Variants in COL6A3 observed in about 807,000 individuals in gnomAD.
The protein encoded by COL6A3 is collagen alpha-3(VI) chain.
COL6A3 carries 137 observed loss-of-function variants against 274.1 expected under a neutral mutation model. The observed-to-expected ratio is 0.50, with a 90% CI of 0.44 to 0.58. COL6A3 has a LOEUF of 0.58. COL6A3 is among the 20% of genes least tolerant of loss of function. The probability of loss-of-function intolerance (pLI) is 0.00; values close to 1 mark genes in which losing one functional copy is unlikely to be tolerated. For synonymous variants in COL6A3, 1,650 were observed against 1,650.6 expected, an observed-to-expected ratio of 1.00 and a Z score of 0.01; for missense variants, 3,950 against 4,124.9, an observed-to-expected ratio of 0.96 and a Z score of 1.16.
At position 237,374,906 on chromosome 2, in the gene COL6A3, T is replaced by C. The variant is rs2077795010; in HGVS notation, c.3185A>G (p.Gln1062Arg). 6.2e-7 allele frequency: 1 copy of C among 1,613,968 alleles called. No homozygotes were observed. The highest frequency in any genetic ancestry group is 1.1e-5 in the South Asian group (1 of 91,074). ...QRVVESLDVGQDRVRVAVVQY... is the reference protein window; with the variant it reads ...QRVVESLDVGRDRVRVAVVQY... The stretch of plus-strand genomic sequence containing the variant: ...CACCACGGCCACGCGGACCCGGTCC[T>C]GGCCCACATCCAGGCTTTCCACCAC... The change falls in exon 8 of 44, where the codon CAG (glutamine) becomes CGG (arginine). Residue 1062 changes from glutamine to arginine, a missense_variant. Around this residue, in one of 5 missense-constraint regions of COL6A3, gnomAD observed 1,934 missense variants for 1,984.3 expected, o/e 0.97. Coordinates refer to ENST00000295550, the MANE Select transcript of COL6A3 (RefSeq NM_004369.4). The surrounding 1 kb of genome is among the most constrained non-coding windows in gnomAD (Gnocchi z 4.8).
rs114750216 is a variant in COL6A3 at position 237,387,712 on chromosome 2, G to A, written c.1182C>T (p.Thr394=). The change falls in exon 4 of 44, where the codon ACC becomes ACT. Residue 394 remains threonine, a synonymous_variant. Transcript: ENST00000295550. The part of the protein sequence containing the change: ...ASRAELQHIA[T]DDNLVFTVPE... The stretch of plus-strand genomic sequence containing the variant: ...GGACAGTAAACACCAAGTTGTCATC[G>A]GTAGCTATGTGCTGAAGCTCTGCCC... 9,442 of 1,613,934 alleles carry A rather than the reference G, an allele frequency of 5.9e-3. 39 individuals carry two copies. Among genetic ancestry groups the A allele is most frequent in the Middle Eastern group, 0.017 (103 of 6,062 alleles).
chr2:237,347,672 G>A (rs2077123959), intron 31 of COL6A3, 135 bp downstream of exon 31: 10 of 916,776 alleles, frequency 1.1e-5, no homozygotes, highest in Non-Finnish European at 1.7e-5. Context: ...TGGGGCTCAG[G>A]ATTCCCTTCC....
chr2:237,399,058 C>G (rs1056412997), intron 1 of COL6A3, among the ~76,000 whole-genome samples: 2 of 152,216 alleles, frequency 1.3e-5, no homozygotes, highest in African/African-American at 4.8e-5. Context: ...AGGTGCACAA[C>G]TATTCAGACA....
At chr2:237,338,966 C>T in intron 39 of COL6A3, 49 bp downstream of exon 39, 1 of 1,459,712 alleles carries the variant, frequency 6.9e-7, no homozygotes, top group Non-Finnish European at 9.6e-7. Flanking sequence ...AGGACCTGTG[C>T]ATTCCCTGCA....
rs908789496 is a variant in COL6A3 at position 237,368,528 on chromosome 2, T to A, written c.4900+35A>T. ...TTTAACTAAAAAAAAAATGTTGATG[T>A]CACACTCTGTAGTCATGGGTCACAC... On this transcript the variant is annotated intron_variant, in intron 10 of 43. Coordinates refer to ENST00000295550, the MANE Select transcript of COL6A3 (RefSeq NM_004369.4). This position sits in a 1 kb window ranked among gnomAD's most constrained non-coding sequence, Gnocchi z 4.4. The A allele has an allele frequency of 7.5e-6, 12 of 1,609,294 alleles. No individual in the cohort carries two copies. Among genetic ancestry groups the A allele is most frequent in the Admixed American group, 1.7e-5 (1 of 59,606 alleles).
rs1194403487 is a variant in COL6A3, at chr2:237,324,693, C to T, written c.*81G>A. On this transcript the variant is annotated 3_prime_UTR_variant, in exon 44 of 44. Coordinates refer to ENST00000295550, the MANE Select transcript of COL6A3 (RefSeq NM_004369.4). ...AAATGATACAGTGCAAGGGAATCTA[C>T]ACCCGGAGCTTCTACAGAGACAAGT... 3.0e-6 allele frequency: 4 copies of T among 1,315,286 alleles called. No individual in the cohort carries two copies. The highest frequency in any genetic ancestry group is 4.4e-6 in the Non-Finnish European group (4 of 911,522). The allele number at this position is 1,315,286 out of a possible 1,614,324, so 81.5% of individuals were successfully genotyped here.
In COL6A3 at chr2:237,398,598, G is replaced by C. The variant is rs369232844; in HGVS notation, c.-30-1751C>G. On this transcript the variant is annotated intron_variant, in intron 1 of 43. Transcript: ENST00000295550. ...TCTGGTTTCCTTTAACTTTTTCTTA[G>C]ACCACAGACGGGGCTGCCCACAGGA... is the stretch of plus-strand genomic sequence containing the variant. Among the ~76,000 whole-genome samples the C allele has an allele frequency of 1.5e-4, 23 of 152,230 alleles. 2 individuals are homozygous for C. Among genetic ancestry groups the C allele is most frequent in the African/African-American group, 5.5e-4 (23 of 41,528 alleles).
At chr2:237,391,006 T>C (rs1459492106) in intron 3 of COL6A3, among the ~76,000 whole-genome samples, 1 of 152,208 alleles carries the variant, frequency 6.6e-6, no homozygotes, top group African/African-American at 2.4e-5. Flanking sequence ...TTTACACATA[T>C]GTGTGTTTTA....
At chr2:237,348,194 A>G (rs1187966934) in intron 30 of COL6A3, among the ~76,000 whole-genome samples, 155 bp downstream of exon 30, 1 of 152,214 alleles carries the variant, frequency 6.6e-6, no homozygotes, top group Admixed American at 6.5e-5. Context: ...CAGATGAGAG[A>G]GTATTTTAGG....
In COL6A3 at chr2:237,336,073, C is replaced by T. The variant is rs111756435; in HGVS notation, c.8965+62G>A. On this transcript the variant is annotated intron_variant, in intron 40 of 43. Transcript: ENST00000295550. ...TGTGTTACATGCAGGCTTTGAGGAA[C>T]ACACCCTGGAGCAGGAAATGAGGAT... The T allele has an allele frequency of 7.4e-4, 1,189 of 1,599,224 alleles. 8 individuals are homozygous for T. In the African/African-American group the frequency reaches 0.012, roughly 16 times the overall value.
intron 8 of COL6A3, among the ~76,000 whole-genome samples, chr2:237,373,135 G>A (rs1200808379): frequency 6.6e-6 from 1 of 152,206 alleles, no homozygotes; most frequent in Non-Finnish European, 1.5e-5. Context: ...AAGGGGGAAA[G>A]AGGGAGGCTG....
chr2:237,385,776 G>A (rs1336225209), intron 4 of COL6A3, among the ~76,000 whole-genome samples: 4 of 152,138 alleles, frequency 2.6e-5, no homozygotes, highest in South Asian at 4.1e-4. Flanking sequence ...TCCAGGCACC[G>A]GGCATGTAGT....
Position 237,361,046 on chromosome 2 carries a change from A to G in COL6A3, c.6210+75T>C. On this transcript the variant is annotated intron_variant, in intron 16 of 43. Transcript: ENST00000295550. The surrounding 1 kb of genome is among the most constrained non-coding windows in gnomAD (Gnocchi z 5.1). Reference sequence around the variant, plus strand: ...CATCAGCAACTGAACAAATGATGAAATCCACAATGCAATCCCAATGGGTAA... The same window carrying G: ...CATCAGCAACTGAACAAATGATGAAGTCCACAATGCAATCCCAATGGGTAA... 8.2e-7 allele frequency: 1 copy of G among 1,224,916 alleles called. No homozygotes were observed. Among genetic ancestry groups the G allele is most frequent in the South Asian group, 1.2e-5 (1 of 83,094 alleles). The allele number at this position is 1,224,916 out of a possible 1,614,324, so 75.9% of individuals were successfully genotyped here.
intron 4 of COL6A3, chr2:237,386,399 C>T (rs2106376602): frequency 6.6e-6 from 1 of 152,272 alleles, no homozygotes; most frequent in African/African-American, 2.4e-5. Context: ...GAAAACCTCC[C>T]TTGATCAATT....
At chr2:237,382,329 G>A (rs1026234102) in intron 4 of COL6A3, among the ~76,000 whole-genome samples, 1 of 152,226 alleles carries the variant, frequency 6.6e-6, no homozygotes, top group Admixed American at 6.5e-5. Flanking sequence ...GTTCCAGTAA[G>A]CCGGGATTGC....
Position 237,394,814 on chromosome 2 carries a change from G to A in COL6A3, c.482C>T (p.Pro161Leu), listed in dbSNP as rs1190967394. 1.2e-6 allele frequency: 2 copies of A among 1,614,160 alleles called. No individual in the cohort carries two copies. Among genetic ancestry groups the A allele is most frequent in the Admixed American group, 3.3e-5 (2 of 60,030 alleles). The change falls in exon 3 of 44, where the codon CCC (proline) becomes CTC (leucine). Residue 161 changes from proline (P) to leucine (L), a missense_variant. This residue lies in a region of COL6A3 where 1,934 missense variants were observed against 1,984.3 expected (regional missense o/e 0.97). Transcript: ENST00000295550. ...ATCAGCAGACTTAAGTTCCGCTGAG[G>A]GCAGAGCAAGGCCATCCTTCGAGTG... Reference protein sequence around the residue: ...DGHSKDGLALPSAELKSADVN... With the variant: ...DGHSKDGLALLSAELKSADVN...
chr2:237,362,791 G>C (rs2077466329), intron 14 of COL6A3, among the ~76,000 whole-genome samples: 1 of 152,216 alleles, frequency 6.6e-6, no homozygotes, highest in South Asian at 2.1e-4. Context: ...CTCAGAGGGA[G>C]CTTCATTGAC....
At chr2:237,326,861 G>A (rs1027789202) in intron 42 of COL6A3, 4 of 152,220 alleles carry the variant, frequency 2.6e-5, no homozygotes, top group African/African-American at 4.8e-5. Flanking sequence ...GATCACCCAC[G>A]ATGGACCAGA....
Position 237,354,898 on chromosome 2 carries a change from C to T in COL6A3, c.6627+1G>A. ...TCCAGGGGGCACTGCATGAGGCTCA[C>T]CTTAGCTCCGGGGGGTCCCCTTCGG... On this transcript the variant is annotated splice_donor_variant, in intron 24 of 43. Transcript: ENST00000295550. LOFTEE classifies it high-confidence loss of function. The T allele has an allele frequency of 6.2e-7, 1 of 1,613,746 alleles. No homozygotes were observed. Among genetic ancestry groups the T allele is most frequent in the South Asian group, 1.1e-5 (1 of 90,914 alleles).
Sources: gnomAD v4.1 joint callset for allele counts (sites outside exome capture counted in the v4.1 genomes callset) on GRCh38, gnomAD v4.1.1 for gene constraint, gnomAD v4.1.1 regional missense constraint, Gnocchi (gnomAD v3.1) non-coding constraint, MANE v1.5 for transcripts, NCBI Gene and HGNC (gene_info 2026-07-23, HGNC 2026-07-21) for gene names.